Variants in EWSR1 observed in about 807,000 individuals in gnomAD.
EWSR1 encodes RNA-binding protein EWS.
Under a neutral mutation model 92.1 loss-of-function variants are expected in EWSR1, and 14 were observed. That is an observed-to-expected ratio of 0.15 (90% confidence interval 0.10 to 0.24). EWSR1 has a LOEUF of 0.24. Among genes scored for constraint, EWSR1 ranks in the 10% least tolerant of loss-of-function variants. The pLI is 1.00. For missense variants in EWSR1, 637 were observed against 870.9 expected, an observed-to-expected ratio of 0.73 and a Z score of 3.38; for synonymous variants, 303 against 292.9, an observed-to-expected ratio of 1.03 and a Z score of -0.35.
rs143190004 is a variant in EWSR1 at position 29,271,516 on chromosome 22, A to C, written c.14-700A>C. 3.6e-3 allele frequency among the ~76,000 whole-genome samples: 543 copies of C among 152,276 alleles called. 8 individuals are homozygous for C. Among genetic ancestry groups the C allele is most frequent in the African/African-American group, 0.012 (509 of 41,544 alleles). ...TGTATGAAAGACAATGGTGTTACCA[A>C]ATTTTTCCCAGAAAGACTAAATGCT... On this transcript the variant is annotated intron_variant, in intron 1 of 16. Transcript: ENST00000397938.
chr22:29,297,764 T>C (rs2060979939), intron 12 of EWSR1, 63 bp from the exon 13 acceptor site: 1 of 1,593,080 alleles, frequency 6.3e-7, no homozygotes, highest in Non-Finnish European at 8.6e-7. Flanking sequence ...CATTTGATGA[T>C]GATGTGGAGT....
intron 6 of EWSR1, among the ~76,000 whole-genome samples, chr22:29,283,880 G>A (rs1017616438): frequency 6.6e-6 from 1 of 150,654 alleles, no homozygotes; most frequent in Non-Finnish European, 1.5e-5. Flanking sequence ...TGTTGCCCAG[G>A]CTGGAGTGCA....
At chr22:29,278,627 A>G (rs1403480386) in intron 5 of EWSR1, among the ~76,000 whole-genome samples, 1 of 152,176 alleles carries the variant, frequency 6.6e-6, no homozygotes, top group East Asian at 1.9e-4. Context: ...GATCGAGACC[A>G]TCCTGGCTAA....
Position 29,300,161 on chromosome 22 carries a change from G to A in EWSR1, c.1971G>A (p.Ter657=). 1 of 1,606,980 alleles carries A rather than the reference G, an allele frequency of 6.2e-7. No homozygotes were observed. Among genetic ancestry groups the A allele is most frequent in the Non-Finnish European group, 8.5e-7 (1 of 1,178,766 alleles). The change falls in exon 17 of 17, where the codon TAG becomes TAA. Residue 657 remains the stop codon, a stop_retained_variant. Coordinates refer to ENST00000397938, the MANE Select transcript of EWSR1 (RefSeq NM_005243.4). ...AGGAGCGCAGAGATCGGCCCTACTA[G>A]ATGCAGAGACCCCGCAGAGCTGCAT... ...HRQERRDRPY[*] is the part of the protein sequence containing the mutation.
chr22:29,272,352 C>G (rs1444207915), intron 2 of EWSR1, 28 bp from the exon 3 acceptor site: 1 of 1,613,682 alleles, frequency 6.2e-7, no homozygotes, highest in African/African-American at 1.3e-5. Flanking sequence ...GTTCTCTATT[C>G]AAGTTATTGC....
Position 29,286,929 on chromosome 22 carries a change from C to T in EWSR1, c.588C>T (p.Ser196=), listed in dbSNP as rs748181994. ...TCTCTTCTCTCTCTTTCAGCTATTCCTCTACACAGCCGACTAGTTATGATC... is the reference window on the plus strand; with the variant it reads ...TCTCTTCTCTCTCTTTCAGCTATTCTTCTACACAGCCGACTAGTTATGATC... ...APPSYPPTSY[S]STQPTSYDQS... is the part of the protein sequence containing the mutation. The change falls in exon 7 of 17, where the codon TCC becomes TCT. Residue 196 remains serine, a synonymous_variant. Transcript: ENST00000397938. The T allele has an allele frequency of 6.2e-6, 10 of 1,612,762 alleles. No individual in the cohort carries two copies. The highest frequency in any genetic ancestry group is 8.5e-6 in the Non-Finnish European group (10 of 1,179,290).
At chr22:29,274,523 ATT>A (rs1367604312) in intron 4 of EWSR1, 4 of 487,758 alleles carry the variant, frequency 8.2e-6, no homozygotes, top group Non-Finnish European at 1.5e-5. Context: ...AATAATAGTT[ATT>A]TACCTTCCCA....
intron 13 of EWSR1, 121 bp downstream of exon 13, chr22:29,298,070 C>T (rs887836023): frequency 6.4e-6 from 7 of 1,096,824 alleles, no homozygotes; most frequent in African/African-American, 1.6e-5. Flanking sequence ...ACTAGACTAT[C>T]GAGAGCTAAC....
chr22:29,290,494 G>A, intron 8 of EWSR1: 3 of 1,613,294 alleles, frequency 1.9e-6, no homozygotes, highest in Non-Finnish European at 2.5e-6. Flanking sequence ...ATAATGAAAA[G>A]TGGGACTAGA....
chr22:29,268,545 C>T (rs548964089), intron 1 of EWSR1, among the ~76,000 whole-genome samples, 196 bp downstream of exon 1: 69 of 152,338 alleles, frequency 4.5e-4, no homozygotes, highest in Admixed American at 2.7e-3. Context: ...CTGGAATCTT[C>T]CGGCGCCCGT....
At position 29,282,441 on chromosome 22, in the gene EWSR1, A is replaced by G. The variant is rs1315230537; in HGVS notation, c.465A>G (p.Thr155=). ...PTETSQPQSS[T]GGYNQPSLGY... is the part of the protein sequence containing the mutation. ...AGACTAGTCAACCTCAATCTAGCAC[A>G]GGGGGTTACAACCAGCCCAGCCTAG... is the stretch of plus-strand genomic sequence containing the variant. Residue 155 remains threonine (T), a synonymous_variant, in exon 6 of 17, where the codon ACA becomes ACG. Transcript: ENST00000397938. 2 of 1,597,650 alleles carry G rather than the reference A, an allele frequency of 1.3e-6. No individual in the cohort carries two copies. The highest frequency in any genetic ancestry group is 2.3e-5 in the East Asian group (1 of 43,886).
Position 29,273,723 on chromosome 22 carries a change from CG to C in EWSR1, c.103-17del. ...AGTTCATGTATGAAGTTCTTGCATT[CG>C]TTTTTTTTTGGAGCAGGCATATGGG... On this transcript the variant is annotated splice_polypyrimidine_tract_variant and intron_variant, in intron 3 of 16. Transcript: ENST00000397938. 6.3e-7 allele frequency: 1 copy of C among 1,597,716 alleles called. No homozygotes were observed. The highest frequency in any genetic ancestry group is 1.3e-5 in the African/African-American group (1 of 74,246).
At chr22:29,299,997 GAA>G in intron 16 of EWSR1, 123 bp from the exon 17 acceptor site, 1 of 1,088,920 alleles carries the variant, frequency 9.2e-7, no homozygotes, top group Non-Finnish European at 1.2e-6. Flanking sequence ...GGGGGCTCTG[GAA>G]GGGCTTCCTC....
At position 29,288,761 on chromosome 22, in the gene EWSR1, C is replaced by A; in HGVS notation, c.949C>A (p.Arg317=). Residue 317 remains arginine, a synonymous_variant, in exon 8 of 17, where the codon CGG becomes AGG. Coordinates refer to ENST00000397938, the MANE Select transcript of EWSR1 (RefSeq NM_005243.4). The stretch of plus-strand genomic sequence containing the variant: ...TCGTGGAGGCATGAGCAGAGGTGGG[C>A]GGGGAGGAGGACGCGGTGGAATGGG... ...FDRGGMSRGG[R]GGGRGGMGSA... is the part of the protein sequence containing the mutation. 6.2e-7 allele frequency: 1 copy of A among 1,612,220 alleles called. No homozygotes were observed. The highest frequency in any genetic ancestry group is 8.5e-7 in the Non-Finnish European group (1 of 1,179,136).
intron 5 of EWSR1, 142 bp downstream of exon 5, chr22:29,278,358 T>C: frequency 1.2e-6 from 1 of 807,906 alleles, no homozygotes; most frequent in Non-Finnish European, 1.9e-6. Context: ...TAGTAACTGA[T>C]GTGCTAGAAC....
rs544338198 is a variant in EWSR1 at position 29,268,791 on chromosome 22, C to T, written c.13+442C>T. Among the ~76,000 whole-genome samples the T allele has an allele frequency of 3.9e-5, 6 of 152,366 alleles. No individual in the cohort carries two copies. In the South Asian group the frequency reaches 6.2e-4, roughly 16 times the overall value. ...GCCTCCCTCCCCGTTTTCAGGGTTT[C>T]CTGAGAAACCAGGGGAAAAAGCAAA... On this transcript the variant is annotated intron_variant, in intron 1 of 16. Transcript: ENST00000397938.
At chr22:29,291,228 C>T (rs1447621029) in intron 8 of EWSR1, 2 of 316,892 alleles carry the variant, frequency 6.3e-6, no homozygotes, top group Non-Finnish European at 1.2e-5. Context: ...TTGCTCCTCC[C>T]CTCTATACCA....
intron 11 of EWSR1, among the ~76,000 whole-genome samples, chr22:29,293,414 AGTTT>A (rs1463743661): frequency 6.6e-6 from 1 of 152,218 alleles, no homozygotes; most frequent in Non-Finnish European, 1.5e-5. Context: ...TATTAGAGTT[AGTTT>A]ATGAACCCCA....
chr22:29,279,383 G>A (rs190759709), intron 5 of EWSR1, among the ~76,000 whole-genome samples: 118 of 152,204 alleles, frequency 7.8e-4, no homozygotes, highest in African/African-American at 1.1e-3. Flanking sequence ...TTACTGTCTC[G>A]GCTTAAGCAA....
Sources: gnomAD v4.1 joint callset for allele counts (sites outside exome capture counted in the v4.1 genomes callset) on GRCh38, gnomAD v4.1.1 for gene constraint, MANE v1.5 for transcripts, NCBI Gene and HGNC (gene_info 2026-07-23, HGNC 2026-07-21) for gene names.